The following NBAS variants were observed in gnomAD, a reference collection of about 807,000 sequenced individuals.
NBAS encodes NAG/BC035112 fusion.
In NBAS, 219 loss-of-function variants were observed where a neutral mutation model predicts 302.5. That is an observed-to-expected ratio of 0.72 (90% CI 0.65 to 0.81). The LOEUF is 0.81. NBAS is among the 30% of genes least tolerant of loss of function. NBAS has a pLI of 0.00. For synonymous variants in NBAS, 1,118 were observed against 1,021.6 expected, an observed-to-expected ratio of 1.09 and a Z score of -1.80; for missense variants, 2,932 against 2,841.6, an observed-to-expected ratio of 1.03 and a Z score of -0.72.
chr2:14,995,213 C>T, the NBAS span, among the ~76,000 whole-genome samples: 2 of 152,026 alleles, frequency 1.3e-5, no homozygotes, highest in African/African-American at 4.8e-5. Flanking sequence ...CTCCCCCCTG[C>T]CCCCACTCCA....
chr2:15,325,823 C>G (rs1672037634), intron 38 of NBAS, among the ~76,000 whole-genome samples: 1 of 152,220 alleles, frequency 6.6e-6, no homozygotes, highest in Non-Finnish European at 1.5e-5. Context: ...AGCTTTCAGT[C>G]TTTCTCAGCT....
At chr2:15,066,535 A>G in the NBAS span, among the ~76,000 whole-genome samples, 4 of 152,236 alleles carry the variant, frequency 2.6e-5, no homozygotes, top group African/African-American at 7.2e-5. Flanking sequence ...CAATTAAAAA[A>G]TAAGTAAAGG....
the NBAS span, among the ~76,000 whole-genome samples, chr2:14,840,937 G>A: frequency 6.6e-6 from 1 of 152,024 alleles, no homozygotes; most frequent in Non-Finnish European, 1.5e-5. Context: ...TATGAAGCCA[G>A]ACAGACAAAT....
intron 21 of NBAS, among the ~76,000 whole-genome samples, chr2:15,436,268 T>C (rs1006480004): frequency 6.6e-6 from 1 of 152,240 alleles, no homozygotes; most frequent in Non-Finnish European, 1.5e-5. Context: ...TATTTGCCTG[T>C]AGATAACCCT....
chr2:14,818,591 A>G, the NBAS span, among the ~76,000 whole-genome samples: 1 of 152,136 alleles, frequency 6.6e-6, no homozygotes, highest in African/African-American at 2.4e-5. Flanking sequence ...TAGTGAACTG[A>G]GCATAAAATC....
At chr2:15,507,822 A>G (rs1052386959) in intron 10 of NBAS, among the ~76,000 whole-genome samples, 4 of 152,268 alleles carry the variant, frequency 2.6e-5, no homozygotes, top group Non-Finnish European at 4.4e-5. Context: ...ATGAATAAAT[A>G]AAACTATCTC....
At position 15,280,836 on chromosome 2, in the gene NBAS, CA is replaced by C. The variant is rs567142778; in HGVS notation, c.5139-3736del. On this transcript the variant is annotated intron_variant, in intron 42 of 51. Transcript: ENST00000281513. ...ACAAGACAATCTACCCTCCAAATCA[CA>C]ACTGCTCCTGCCTGAGGAAGTCAAT... Among the ~76,000 whole-genome samples, 65 of 152,310 alleles carry C rather than the reference CA, an allele frequency of 4.3e-4. 2 individuals are homozygous for C. In the South Asian group the frequency reaches 7.7e-3, roughly 18 times the overall value.
At chr2:15,128,425 G>A in the NBAS span, among the ~76,000 whole-genome samples, 2 of 152,162 alleles carry the variant, frequency 1.3e-5, no homozygotes. Flanking sequence ...AAGGGATTGG[G>A]CCTCTTTCTT....
chr2:15,199,020 G>A (rs1572434370), intron 48 of NBAS, among the ~76,000 whole-genome samples: 1 of 151,672 alleles, frequency 6.6e-6, no homozygotes, highest in South Asian at 2.1e-4. Flanking sequence ...CCAGCTACTC[G>A]GGAGGCTGAG....
the NBAS span, among the ~76,000 whole-genome samples, chr2:15,128,265 G>A: frequency 6.6e-6 from 1 of 152,120 alleles, no homozygotes; most frequent in Non-Finnish European, 1.5e-5. Context: ...CCTTACTTTT[G>A]CAGCAGAATT....
At chr2:15,193,170 A>C (rs1665443295) in intron 48 of NBAS, among the ~76,000 whole-genome samples, 1 of 152,154 alleles carries the variant, frequency 6.6e-6, no homozygotes. Flanking sequence ...TTGTCAGAAA[A>C]TGTTTTCTTC....
intron 11 of NBAS, among the ~76,000 whole-genome samples, chr2:15,490,582 A>G (rs965122748): frequency 2.0e-5 from 3 of 152,206 alleles, no homozygotes; most frequent in Admixed American, 1.3e-4. Context: ...GTTTTGTATA[A>G]GGCAGGCCTC....
At chr2:15,202,697 G>A (rs1431284015) in intron 48 of NBAS, among the ~76,000 whole-genome samples, 2 of 152,014 alleles carry the variant, frequency 1.3e-5, no homozygotes, top group Non-Finnish European at 2.9e-5. Context: ...CTGTTACCAC[G>A]CTGGGCTAAT....
chr2:14,803,409 G>A, the NBAS span, among the ~76,000 whole-genome samples: 7 of 152,104 alleles, frequency 4.6e-5, no homozygotes, highest in African/African-American at 1.7e-4. Context: ...GTGGTAATTT[G>A]CCTTTTGTAC....
chr2:15,291,868 CAT>C (rs1390135046), intron 41 of NBAS, among the ~76,000 whole-genome samples: 1 of 152,130 alleles, frequency 6.6e-6, no homozygotes, highest in Non-Finnish European at 1.5e-5. Flanking sequence ...CCCCTGATCA[CAT>C]GTTATTACCT....
the NBAS span, among the ~76,000 whole-genome samples, chr2:14,993,300 G>T: frequency 3.3e-5 from 5 of 152,072 alleles, no homozygotes; most frequent in Non-Finnish European, 5.9e-5. Context: ...AACTCACAAT[G>T]GTCCCGTTTA....
intron 6 of NBAS, among the ~76,000 whole-genome samples, chr2:15,543,870 T>C (rs780729846): frequency 1.3e-5 from 2 of 152,216 alleles, no homozygotes; most frequent in Non-Finnish European, 2.9e-5. Context: ...TATTTGTTAA[T>C]CTATAAATTC....
chr2:14,890,365 A>G, the NBAS span, among the ~76,000 whole-genome samples: 1 of 151,888 alleles, frequency 6.6e-6, no homozygotes, highest in Non-Finnish European at 1.5e-5. Flanking sequence ...CAATCCCAGT[A>G]AATGGCCTTA....
At chr2:15,067,347 GAAAAGAAAAGGAA>G in the NBAS span, among the ~76,000 whole-genome samples, 6 of 85,862 alleles carry the variant, frequency 7.0e-5, no homozygotes, top group Admixed American at 2.9e-4. Flanking sequence ...TCTGTCTCCA[GAAAAGAAAAGGAA>G]AAAAGAAAAG....
Sources: gnomAD v4.1 joint callset for allele counts (sites outside exome capture counted in the v4.1 genomes callset) on GRCh38, gnomAD v4.1.1 for gene constraint, MANE v1.5 for transcripts, NCBI Gene and HGNC (gene_info 2026-07-23, HGNC 2026-07-21) for gene names.